ADAM22: variants seen among roughly 807,000 people sequenced by gnomAD.
ADAM22 encodes disintegrin and metalloproteinase domain-containing protein 22.
ADAM22 carries 65 observed loss-of-function variants against 144.6 expected under a neutral mutation model. The observed-to-expected ratio is 0.45, with a 90% CI of 0.37 to 0.55. The LOEUF is 0.55. ADAM22 is among the 20% of genes least tolerant of loss of function. ADAM22 has a pLI of 0.00. For missense variants in ADAM22, 974 were observed against 1,184.9 expected (o/e 0.82, Z 2.61); for synonymous variants, 391 against 412.6 (o/e 0.95, Z 0.63).
chr7:87,953,994 G>C (rs1352736690), intron 2 of ADAM22, among the ~76,000 whole-genome samples: 1 of 151,908 alleles, frequency 6.6e-6, no homozygotes, highest in Non-Finnish European at 1.5e-5. Context: ...CCATTTGCTT[G>C]GTAGATCTTC....
chr7:88,128,470 T>C, intron 8 of ADAM22, 132 bp from the exon 9 acceptor site: 1 of 700,928 alleles, frequency 1.4e-6, no homozygotes, highest in South Asian at 1.6e-5. Context: ...AGCAAATTGA[T>C]GAAAAATTTT....
intron 3 of ADAM22, among the ~76,000 whole-genome samples, chr7:87,990,829 A>AT (rs1482762592): frequency 6.6e-6 from 1 of 151,752 alleles, no homozygotes; most frequent in Non-Finnish European, 1.5e-5. Context: ...TATCCAACTA[A>AT]TTTTTTTGTA....
intron 29 of ADAM22, among the ~76,000 whole-genome samples, chr7:88,182,327 C>A (rs1847249150): frequency 6.6e-6 from 1 of 152,120 alleles, no homozygotes; most frequent in South Asian, 2.1e-4. Flanking sequence ...ACATTCCTTT[C>A]TTCTCATCAT....
intron 4 of ADAM22, among the ~76,000 whole-genome samples, chr7:88,078,854 A>C (rs1815541495): frequency 6.6e-6 from 1 of 152,240 alleles, no homozygotes; most frequent in African/African-American, 2.4e-5. Flanking sequence ...ATGTGAAAAG[A>C]CCAAATCTAC....
At chr7:88,003,865 C>T (rs529087431) in intron 3 of ADAM22, among the ~76,000 whole-genome samples, 1 of 152,256 alleles carries the variant, frequency 6.6e-6, no homozygotes, top group East Asian at 1.9e-4. Flanking sequence ...CATATGGAAC[C>T]AGGGAAATTG....
intron 3 of ADAM22, among the ~76,000 whole-genome samples, chr7:88,054,414 A>G (rs1348964831): frequency 3.3e-5 from 5 of 151,966 alleles, no homozygotes; most frequent in Admixed American, 3.3e-4. Flanking sequence ...TTATTATATT[A>G]TTAGAAAGCT....
intron 29 of ADAM22, among the ~76,000 whole-genome samples, chr7:88,185,571 A>T (rs1848105337): frequency 6.6e-6 from 1 of 152,186 alleles, no homozygotes; most frequent in Non-Finnish European, 1.5e-5. Context: ...TAAATGAAAA[A>T]AAAATGAAAA....
chr7:88,178,517 T>C (rs1165772971), intron 26 of ADAM22, among the ~76,000 whole-genome samples: 3 of 152,116 alleles, frequency 2.0e-5, no homozygotes, highest in Admixed American at 2.0e-4. Context: ...ATGTGATGTT[T>C]AGAAATTATA....
intron 3 of ADAM22, among the ~76,000 whole-genome samples, chr7:88,038,827 C>T (rs112071407): frequency 1.1e-4 from 17 of 151,478 alleles, no homozygotes; most frequent in African/African-American, 4.1e-4. Flanking sequence ...GTTGCCCAGG[C>T]GGGAGCACAG....
chr7:88,039,573 A>G (rs1802580566), intron 3 of ADAM22, among the ~76,000 whole-genome samples: 2 of 148,116 alleles, frequency 1.4e-5, no homozygotes, highest in South Asian at 4.4e-4. Flanking sequence ...GGGACAGATA[A>G]TATAATTATG....
At chr7:88,020,781 G>A (rs1329091431) in intron 3 of ADAM22, among the ~76,000 whole-genome samples, 2 of 152,090 alleles carry the variant, frequency 1.3e-5, no homozygotes, top group Non-Finnish European at 1.5e-5. Context: ...ATTCAAAATA[G>A]GATTATTCCA....
At chr7:88,181,825 C>G (rs1011193258) in intron 28 of ADAM22, 133 bp from the exon 29 acceptor site, 16 of 871,166 alleles carry the variant, frequency 1.8e-5, no homozygotes, top group Admixed American at 1.0e-4. Context: ...TTTGAGAAAG[C>G]TGTACAGTGT....
intron 3 of ADAM22, among the ~76,000 whole-genome samples, chr7:87,993,026 C>T (rs1426099149): frequency 6.6e-6 from 1 of 152,110 alleles, no homozygotes; most frequent in Non-Finnish European, 1.5e-5. Context: ...TTCCCCGTAT[C>T]ATATAGGAGA....
intron 3 of ADAM22, among the ~76,000 whole-genome samples, chr7:88,070,941 A>G (rs943825557): frequency 2.6e-5 from 4 of 152,182 alleles, no homozygotes; most frequent in African/African-American, 9.6e-5. Flanking sequence ...TTCTCAGAGT[A>G]AATTGACTGG....
chr7:88,030,237 T>C (rs1799928236), intron 3 of ADAM22, among the ~76,000 whole-genome samples: 2 of 152,168 alleles, frequency 1.3e-5, no homozygotes, highest in African/African-American at 4.8e-5. Flanking sequence ...TTATTTCTTC[T>C]GCTTGATTAA....
Position 87,934,489 on chromosome 7 carries a change from C to T in ADAM22, c.24C>T (p.Ser8=), listed in dbSNP as rs185661659. ...CCATGCAGGCGGCAGTGGCTGTGTC[C>T]GTGCCCTTCTTGCTGCTCTGTGTCC... MQAAVAV[S]VPFLLLCVLG... The change falls in exon 1 of 32, where the codon TCC becomes TCT. Residue 8 remains serine, a synonymous_variant. Coordinates refer to ENST00000413139, the MANE Select transcript of ADAM22 (RefSeq NM_001324418.2). 273 of 1,606,838 alleles carry T rather than the reference C, an allele frequency of 1.7e-4. No homozygotes were observed. The highest frequency in any genetic ancestry group is 1.2e-3 in the Middle Eastern group (7 of 6,040).
chr7:88,058,649 T>C (rs1315189991), intron 3 of ADAM22, among the ~76,000 whole-genome samples: 2 of 152,232 alleles, frequency 1.3e-5, no homozygotes, highest in Non-Finnish European at 2.9e-5. Context: ...CCTGATGATC[T>C]AAAAGAAAGG....
chr7:88,024,898 T>C (rs1798660686), intron 3 of ADAM22, among the ~76,000 whole-genome samples: 1 of 152,196 alleles, frequency 6.6e-6, no homozygotes. Flanking sequence ...TTTTTATGGC[T>C]ACATAGTATT....
At chr7:87,955,400 T>C (rs1163039766) in intron 2 of ADAM22, among the ~76,000 whole-genome samples, 3 of 152,232 alleles carry the variant, frequency 2.0e-5, no homozygotes, top group African/African-American at 7.2e-5. Flanking sequence ...AGAGGTCCAC[T>C]GCAGACCCTG....
Sources: gnomAD v4.1 joint callset for allele counts (sites outside exome capture counted in the v4.1 genomes callset) on GRCh38, gnomAD v4.1.1 for gene constraint, MANE v1.5 for transcripts, NCBI Gene and HGNC (gene_info 2026-07-23, HGNC 2026-07-21) for gene names.